The following AGMO variants were observed in gnomAD, a reference collection of about 807,000 sequenced individuals.
AGMO encodes glyceryl-ether monooxygenase.
Under a neutral mutation model 60.2 loss-of-function variants are expected in AGMO, and 75 were observed. That is an observed-to-expected ratio of 1.25 (90% CI 1.03 to 1.51). The LOEUF (loss-of-function observed/expected upper bound fraction) is 1.51. Ranked by LOEUF, AGMO falls within the 40% of genes most tolerant of loss-of-function variation. The probability of loss-of-function intolerance (pLI) is 0.00; values close to 1 mark genes in which losing one functional copy is unlikely to be tolerated. For synonymous variants in AGMO, 261 were observed against 177.1 expected (o/e 1.47, Z -3.76); for missense variants, 763 against 525.5 (o/e 1.45, Z -4.42).
intron 12 of AGMO, among the ~76,000 whole-genome samples, chr7:15,289,662 C>A (rs1784200778): frequency 1.3e-5 from 2 of 152,002 alleles, no homozygotes; most frequent in South Asian, 4.1e-4. Flanking sequence ...CTAGCTTCTA[C>A]CTACTTCCCT....
At chr7:15,299,886 C>CACAAAA (rs774065679) in intron 12 of AGMO, among the ~76,000 whole-genome samples, 1 of 114,642 alleles carries the variant, frequency 8.7e-6, no homozygotes, top group African/African-American at 4.2e-5. Flanking sequence ...CACACACACA[C>CACAAAA]AGTATGTTTT....
At chr7:15,290,789 T>C (rs966350720) in intron 12 of AGMO, among the ~76,000 whole-genome samples, 1 of 152,214 alleles carries the variant, frequency 6.6e-6, no homozygotes, top group African/African-American at 2.4e-5. Context: ...TTCGTGATGA[T>C]TTTAAAACAA....
At chr7:15,212,586 T>C (rs1321526402) in intron 12 of AGMO, among the ~76,000 whole-genome samples, 3 of 151,984 alleles carry the variant, frequency 2.0e-5, no homozygotes, top group Non-Finnish European at 4.4e-5. Context: ...CAGGACTATA[T>C]TACATTTTCT....
intron 5 of AGMO, 66 bp downstream of exon 5, chr7:15,418,492 G>A (rs902039419): frequency 5.2e-6 from 5 of 962,654 alleles, no homozygotes; most frequent in Non-Finnish European, 8.0e-6. Context: ...ATCTGCTAGT[G>A]GATTTCCAGG....
At chr7:15,439,057 T>G (rs898047447) in intron 3 of AGMO, among the ~76,000 whole-genome samples, 1 of 152,332 alleles carries the variant, frequency 6.6e-6, no homozygotes, top group African/African-American at 2.4e-5. Flanking sequence ...TAACATTTTC[T>G]TATCATCAAC....
chr7:15,486,937 T>C (rs1335992984), intron 3 of AGMO, among the ~76,000 whole-genome samples: 1 of 152,214 alleles, frequency 6.6e-6, no homozygotes, highest in Non-Finnish European at 1.5e-5. Flanking sequence ...ATGTCTTTCT[T>C]TGGCTGTCCC....
At position 15,270,596 on chromosome 7, in the gene AGMO, A is replaced by ATTTTTTTTTTTTTTTTTTTTTTTTTT. The variant is rs527463907; in HGVS notation, c.1264-69263_1264-69238dup. On this transcript the variant is annotated intron_variant, in intron 12 of 12. Coordinates refer to ENST00000342526, the MANE Select transcript of AGMO (RefSeq NM_001004320.2). ...ATTAAACAAATTTAATCTGTTGATA[A>ATTTTTTTTTTTTTTTTTTTTTTTTTT]TTTTTTTTTTTTTTTTTTTTTTTTT... 4.2e-4 allele frequency among the ~76,000 whole-genome samples: 20 copies of ATTTTTTTTTTTTTTTTTTTTTTTTTT among 48,066 alleles called. 2 individuals carry two copies. The highest frequency in any genetic ancestry group is 1.2e-3 in the South Asian group (1 of 846). 31.5% of individuals were successfully genotyped at this position (48,066 alleles called of 152,430 possible). A position where few individuals can be genotyped will look rare whatever the true frequency, so the allele number is the denominator to read the frequency against.
At chr7:15,343,871 T>C (rs1781941614) in intron 12 of AGMO, among the ~76,000 whole-genome samples, 1 of 152,198 alleles carries the variant, frequency 6.6e-6, no homozygotes, top group Non-Finnish European at 1.5e-5. Flanking sequence ...GTAGTATGTC[T>C]TAAGCAAGCA....
chr7:15,199,241 A>C (rs13221603), downstream of AGMO, among the ~76,000 whole-genome samples: 10,969 of 152,240 alleles, frequency 0.072, 579 homozygotes, highest in Non-Finnish European at 0.095. Flanking sequence ...TCATTGGCAC[A>C]AATTTGTATC....
chr7:15,121,808 C>T, the AGMO span, among the ~76,000 whole-genome samples: 6 of 152,014 alleles, frequency 3.9e-5, no homozygotes, highest in South Asian at 2.1e-4. Flanking sequence ...AAACAAGCAA[C>T]GGGGAAAGGA....
chr7:15,462,276 TG>T (rs1782162850), intron 3 of AGMO, among the ~76,000 whole-genome samples: 1 of 152,174 alleles, frequency 6.6e-6, no homozygotes, highest in Admixed American at 6.5e-5. Context: ...ATAAAATTTT[TG>T]TAAAGTGAAA....
chr7:15,354,496 GTATATATATATATA>G (rs60044874), intron 12 of AGMO, among the ~76,000 whole-genome samples: 820 of 18,732 alleles, frequency 0.044, 102 homozygotes, highest in East Asian at 0.15. Context: ...ATACACACGT[GTATATATATATATA>G]TATATATATA....
chr7:15,168,454 G>C, the AGMO span, among the ~76,000 whole-genome samples: 1 of 152,212 alleles, frequency 6.6e-6, no homozygotes, highest in Non-Finnish European at 1.5e-5. Context: ...GGCACCACCT[G>C]GTCAGCCAGC....
intron 5 of AGMO, among the ~76,000 whole-genome samples, chr7:15,413,922 G>A (rs984308378): frequency 2.6e-4 from 40 of 152,214 alleles, no homozygotes; most frequent in African/African-American, 8.4e-4. Context: ...AAGATTAACT[G>A]TTTTATCTTC....
At chr7:15,498,199 A>G (rs1264440705) in intron 3 of AGMO, among the ~76,000 whole-genome samples, 1 of 152,070 alleles carries the variant, frequency 6.6e-6, no homozygotes, top group African/African-American at 2.4e-5. Context: ...ATTTTTCAAA[A>G]GAAATTATTA....
At chr7:15,364,794 G>C (rs147823442) in intron 12 of AGMO, among the ~76,000 whole-genome samples, 206 of 152,100 alleles carry the variant, frequency 1.4e-3, no homozygotes, top group African/African-American at 4.6e-3. Context: ...GGGGATATTA[G>C]TATTTATGTT....
At chr7:15,292,295 G>C (rs984227042) in intron 12 of AGMO, among the ~76,000 whole-genome samples, 1 of 152,094 alleles carries the variant, frequency 6.6e-6, no homozygotes, top group African/African-American at 2.4e-5. Flanking sequence ...CTCTGAAAGG[G>C]GTGAAACCAA....
intron 2 of AGMO, among the ~76,000 whole-genome samples, chr7:15,548,220 A>T (rs1784844009): frequency 6.6e-6 from 1 of 152,188 alleles, no homozygotes; most frequent in Admixed American, 6.5e-5. Context: ...TGGGGAAAAA[A>T]CAGAACAGAA....
chr7:15,397,217 AC>A (rs1308214845), intron 5 of AGMO, among the ~76,000 whole-genome samples: 1 of 151,986 alleles, frequency 6.6e-6, no homozygotes, highest in Non-Finnish European at 1.5e-5. Flanking sequence ...CTGGCCTACG[AC>A]CCCGCGAAGA....
Sources: gnomAD v4.1 joint callset for allele counts (sites outside exome capture counted in the v4.1 genomes callset) on GRCh38, gnomAD v4.1.1 for gene constraint, MANE v1.5 for transcripts, NCBI Gene and HGNC (gene_info 2026-07-23, HGNC 2026-07-21) for gene names.